EPHA6: variants seen among roughly 807,000 people sequenced by gnomAD.
EPHA6 encodes the protein ephrin type-A receptor 6.
A neutral mutation model predicts 112.0 loss-of-function variants in EPHA6; 50 were observed. The ratio of observed to expected loss-of-function variants is 0.45; its 90% CI spans 0.36 to 0.56. EPHA6 has a LOEUF of 0.56. Among genes scored for constraint, EPHA6 ranks in the 20% least tolerant of loss-of-function variants. The pLI, the probability that EPHA6 is intolerant of heterozygous loss-of-function variation, is 0.00. For missense variants in EPHA6, 1,280 were observed against 1,417.4 expected (o/e 0.90, Z 1.56); for synonymous variants, 529 against 490.7 (o/e 1.08, Z -1.03).
intron 2 of EPHA6, among the ~76,000 whole-genome samples, chr3:96,915,666 C>T (rs959959972): frequency 2.0e-5 from 3 of 152,086 alleles, no homozygotes; most frequent in African/African-American, 7.2e-5. Context: ...CATTCTAATA[C>T]ATGCCTTTCC....
At chr3:97,324,405 T>C (rs910875135) in intron 5 of EPHA6, among the ~76,000 whole-genome samples, 1 of 104,492 alleles carries the variant, frequency 9.6e-6, no homozygotes, top group Non-Finnish European at 1.9e-5. Context: ...GCTTTCCTTC[T>C]TTTCTTTCTT....
rs372807232 is a variant in EPHA6 at position 97,448,585 on chromosome 3, C to T, written c.1749C>T (p.Thr583=). 1 of 1,613,278 alleles carries T rather than the reference C, an allele frequency of 6.2e-7. No homozygotes were observed. The highest frequency in any genetic ancestry group is 8.5e-7 in the Non-Finnish European group (1 of 1,179,452). The change falls in exon 7 of 18, where the codon ACC becomes ACT. Residue 583 remains threonine, a synonymous_variant. Transcript: ENST00000389672. ...TCCCCCAGGAACATGAGCAGCTGAC[C>T]TACTCTTCCACAAGGTCCAAAGCCC... ...KYYEKEHEQL[T]YSSTRSKAPS...
intron 10 of EPHA6, among the ~76,000 whole-genome samples, chr3:97,512,133 A>T (rs2092375751): frequency 6.6e-6 from 1 of 152,212 alleles, no homozygotes; most frequent in Admixed American, 6.5e-5. Context: ...ACGGAGCTTT[A>T]ACATCAAAAC....
At chr3:97,681,370 A>G (rs2031849161) in intron 14 of EPHA6, among the ~76,000 whole-genome samples, 1 of 152,132 alleles carries the variant, frequency 6.6e-6, no homozygotes, top group African/African-American at 2.4e-5. Flanking sequence ...TCTCTTCTAC[A>G]GAAATACTTT....
chr3:97,064,402 C>T (rs2046116705), intron 3 of EPHA6, among the ~76,000 whole-genome samples: 2 of 152,088 alleles, frequency 1.3e-5, no homozygotes, highest in South Asian at 4.1e-4. Flanking sequence ...TCTAAAGAGC[C>T]AACTTCTCTT....
chr3:96,862,173 T>G (rs1378212816), intron 1 of EPHA6, among the ~76,000 whole-genome samples: 1 of 151,980 alleles, frequency 6.6e-6, no homozygotes, highest in Admixed American at 6.6e-5. Flanking sequence ...ATATCTATAA[T>G]TCGAAGTATT....
At chr3:96,894,843 GA>G (rs1364551630) in intron 2 of EPHA6, among the ~76,000 whole-genome samples, 6 of 152,194 alleles carry the variant, frequency 3.9e-5, no homozygotes, top group African/African-American at 1.4e-4. Flanking sequence ...TGCAGGAAAA[GA>G]AAAAGGAGAA....
At chr3:97,250,218 C>A (rs540767190) in intron 5 of EPHA6, among the ~76,000 whole-genome samples, 1 of 152,308 alleles carries the variant, frequency 6.6e-6, no homozygotes, top group South Asian at 2.1e-4. Flanking sequence ...TACTAAATTT[C>A]ATGTTCACTA....
intron 3 of EPHA6, among the ~76,000 whole-genome samples, chr3:97,099,669 G>A (rs1170727758): frequency 6.6e-6 from 1 of 151,782 alleles, no homozygotes; most frequent in African/African-American, 2.4e-5. Flanking sequence ...TTCTGGTCTT[G>A]CTCATTAAAA....
At chr3:97,322,934 T>C (rs1298084598) in intron 5 of EPHA6, among the ~76,000 whole-genome samples, 1 of 152,064 alleles carries the variant, frequency 6.6e-6, no homozygotes, top group East Asian at 1.9e-4. Context: ...CAGCACTTAC[T>C]ACTTCCATTT....
intron 5 of EPHA6, among the ~76,000 whole-genome samples, chr3:97,373,347 G>A (rs763160703): frequency 1.3e-5 from 2 of 152,034 alleles, no homozygotes; most frequent in Admixed American, 1.3e-4. Flanking sequence ...GCCTTACGAT[G>A]GCAGCTTAGT....
intron 1 of EPHA6, among the ~76,000 whole-genome samples, chr3:96,818,932 A>G (rs192753858): frequency 1.3e-5 from 2 of 152,056 alleles, no homozygotes; most frequent in Admixed American, 1.3e-4. Context: ...TAATTTTATT[A>G]TACATTTACA....
At chr3:97,145,044 T>A (rs1441490771) in intron 3 of EPHA6, among the ~76,000 whole-genome samples, 1 of 151,550 alleles carries the variant, frequency 6.6e-6, no homozygotes, top group Non-Finnish European at 1.5e-5. Flanking sequence ...AGAAAAATGG[T>A]ATAGAATATA....
intron 1 of EPHA6, among the ~76,000 whole-genome samples, chr3:96,823,858 G>C (rs979211720): frequency 6.6e-6 from 1 of 151,854 alleles, no homozygotes; most frequent in South Asian, 2.1e-4. Flanking sequence ...ATTTTCATCT[G>C]AAAAAGAAAC....
rs574065585 is a variant in EPHA6 at position 97,612,063 on chromosome 3, A to C, written c.2574+1209A>C. On this transcript the variant is annotated intron_variant, in intron 13 of 17. Coordinates refer to ENST00000389672, the MANE Select transcript of EPHA6 (RefSeq NM_001080448.3). ...TACTCTCAACCAAGTGTGCTCTGTA[A>C]GGTAAAATGAAATTCAGAGGTGTTT... Among the ~76,000 whole-genome samples the C allele has an allele frequency of 3.9e-5, 6 of 152,188 alleles. No individual in the cohort carries two copies. The South Asian group carries it at 1.2e-3, about 32-fold the overall frequency.
At chr3:97,010,048 C>T (rs1483757769) in intron 3 of EPHA6, 4 of 1,296,684 alleles carry the variant, frequency 3.1e-6, no homozygotes, top group Admixed American at 2.3e-5. Context: ...CTTGGCCCCA[C>T]CCCGAAACAG....
intron 16 of EPHA6, among the ~76,000 whole-genome samples, chr3:97,739,448 G>A (rs2035410017): frequency 6.6e-6 from 1 of 152,068 alleles, no homozygotes; most frequent in South Asian, 2.1e-4. Flanking sequence ...AGAAATTAAA[G>A]TGACAAAGGG....
chr3:96,882,076 G>A (rs941848460), intron 2 of EPHA6, among the ~76,000 whole-genome samples: 1 of 152,134 alleles, frequency 6.6e-6, no homozygotes, highest in Non-Finnish European at 1.5e-5. Flanking sequence ...TTTCTACTGT[G>A]GATCTGCCAT....
At chr3:97,195,623 T>A (rs995226530) in intron 3 of EPHA6, among the ~76,000 whole-genome samples, 4 of 152,058 alleles carry the variant, frequency 2.6e-5, no homozygotes, top group African/African-American at 9.7e-5. Context: ...GTTAACATTA[T>A]TTTCTTTCAG....
Sources: gnomAD v4.1 joint callset for allele counts (sites outside exome capture counted in the v4.1 genomes callset) on GRCh38, gnomAD v4.1.1 for gene constraint, MANE v1.5 for transcripts, NCBI Gene and HGNC (gene_info 2026-07-23, HGNC 2026-07-21) for gene names.